The following GRHL2 variants were observed in gnomAD, a reference collection of about 807,000 sequenced individuals.
The protein encoded by GRHL2 is grainyhead-like protein 2 homolog.
Under a neutral mutation model 83.8 loss-of-function variants are expected in GRHL2, and 21 were observed. That is an observed-to-expected ratio of 0.25 (90% CI 0.18 to 0.36). The LOEUF is 0.36. GRHL2 is among the 10% of genes least tolerant of loss of function. The probability of loss-of-function intolerance (pLI) is 1.00; values close to 1 mark genes in which losing one functional copy is unlikely to be tolerated. For synonymous variants in GRHL2, 280 were observed against 278.9 expected, an observed-to-expected ratio of 1.00 and a Z score of -0.04; for missense variants, 623 against 781.8, an observed-to-expected ratio of 0.80 and a Z score of 2.42.
chr8:101,622,053 A>T (rs1296630705), intron 9 of GRHL2, among the ~76,000 whole-genome samples: 1 of 152,214 alleles, frequency 6.6e-6, no homozygotes, highest in Non-Finnish European at 1.5e-5. Context: ...CCACTTGGGA[A>T]AATTGATCCA....
intron 3 of GRHL2, 152 bp downstream of exon 3, chr8:101,552,934 A>T: frequency 1.3e-6 from 1 of 772,216 alleles, no homozygotes; most frequent in Admixed American, 2.1e-5. Flanking sequence ...TAGATCTCTC[A>T]ATGAGGAGAG....
intron 1 of GRHL2, among the ~76,000 whole-genome samples, chr8:101,508,703 G>T (rs1438758634): frequency 6.6e-6 from 1 of 152,046 alleles, no homozygotes; most frequent in South Asian, 2.1e-4. Context: ...GTGAGTTCGG[G>T]ATGAGTTCAG....
intron 3 of GRHL2, among the ~76,000 whole-genome samples, chr8:101,557,596 G>A (rs1811514992): frequency 6.6e-6 from 1 of 152,054 alleles, no homozygotes; most frequent in Admixed American, 6.5e-5. Flanking sequence ...CCTGATAATT[G>A]CCTTTTTGGT....
At chr8:101,653,585 A>G (rs1378102204) in intron 14 of GRHL2, among the ~76,000 whole-genome samples, 1 of 152,126 alleles carries the variant, frequency 6.6e-6, no homozygotes, top group Non-Finnish European at 1.5e-5. Flanking sequence ...CCCTGTCTCT[A>G]CCAGAAAATT....
chr8:101,674,948 G>C, the GRHL2 span, among the ~76,000 whole-genome samples: 2 of 151,966 alleles, frequency 1.3e-5, no homozygotes, highest in African/African-American at 4.8e-5. Flanking sequence ...ACAGAACCAA[G>C]GACAAAAACC....
chr8:101,628,309 A>G (rs1471057581), intron 9 of GRHL2, among the ~76,000 whole-genome samples: 2 of 152,016 alleles, frequency 1.3e-5, no homozygotes, highest in African/African-American at 4.8e-5. Flanking sequence ...GAATCTTGCT[A>G]TATCTAGTCT....
intron 1 of GRHL2, among the ~76,000 whole-genome samples, chr8:101,501,674 A>C (rs1352383670): frequency 1.3e-5 from 2 of 152,118 alleles, no homozygotes; most frequent in East Asian, 3.9e-4. Context: ...TTTAATTTGC[A>C]ATCTAGAATC....
intron 1 of GRHL2, among the ~76,000 whole-genome samples, chr8:101,519,204 T>C (rs990541863): frequency 6.6e-6 from 1 of 152,034 alleles, no homozygotes; most frequent in Admixed American, 6.6e-5. Context: ...TTTTTAATTT[T>C]AAGAGATAGG....
Position 101,667,108 on chromosome 8 carries a change from T to G in GRHL2, c.*405T>G. ...CCATCCCTTCTCTCTCACCCCTCCA[T>G]ATCTATCTCCCGAGTGGCTGGACAA... On this transcript the variant is annotated 3_prime_UTR_variant, in exon 16 of 16. Transcript: ENST00000646743. 3.5e-6 allele frequency: 1 copy of G among 283,136 alleles called. No individual in the cohort carries two copies. Among genetic ancestry groups the G allele is most frequent in the Non-Finnish European group, 6.9e-6 (1 of 144,028 alleles). 17.5% of individuals were successfully genotyped at this position (283,136 alleles called of 1,614,324 possible). A position where few individuals can be genotyped will look rare whatever the true frequency, so the allele number is the denominator to read the frequency against.
At chr8:101,629,017 A>G (rs1245167119) in intron 9 of GRHL2, among the ~76,000 whole-genome samples, 1 of 152,198 alleles carries the variant, frequency 6.6e-6, no homozygotes, top group Non-Finnish European at 1.5e-5. Context: ...TATTACATAA[A>G]CTTAGTTGAT....
chr8:101,496,565 T>C (rs1230629588), intron 1 of GRHL2, among the ~76,000 whole-genome samples: 2 of 152,008 alleles, frequency 1.3e-5, no homozygotes, highest in Non-Finnish European at 2.9e-5. Flanking sequence ...GCTTACTGTG[T>C]GTGTGTTGGG....
At chr8:101,613,148 A>G (rs906018457) in intron 8 of GRHL2, among the ~76,000 whole-genome samples, 4 of 150,900 alleles carry the variant, frequency 2.7e-5, no homozygotes, top group Admixed American at 6.6e-5. Flanking sequence ...CAGAGCACAC[A>G]GCAGGCAGCG....
At chr8:101,598,885 G>C (rs982136313) in intron 7 of GRHL2, among the ~76,000 whole-genome samples, 172 bp from the exon 8 acceptor site, 3 of 152,188 alleles carry the variant, frequency 2.0e-5, no homozygotes, top group Non-Finnish European at 4.4e-5. Context: ...CATTCTTATA[G>C]AGTAAGTATT....
At chr8:101,512,600 G>T (rs906219411) in intron 1 of GRHL2, among the ~76,000 whole-genome samples, 1 of 152,114 alleles carries the variant, frequency 6.6e-6, no homozygotes, top group Non-Finnish European at 1.5e-5. Context: ...TCAGCCACCC[G>T]AGTAGCTGGG....
At chr8:101,599,036 G>A (rs1354711047) in intron 7 of GRHL2, 21 bp from the exon 8 acceptor site, 3 of 1,548,588 alleles carry the variant, frequency 1.9e-6, no homozygotes, top group Admixed American at 1.7e-5. Flanking sequence ...TTAAAAGCTT[G>A]TTCTTTTTTT....
chr8:101,496,962 A>G (rs1158316385), intron 1 of GRHL2, among the ~76,000 whole-genome samples: 1 of 152,206 alleles, frequency 6.6e-6, no homozygotes, highest in African/African-American at 2.4e-5. Context: ...CTACTTAATA[A>G]TCTGGACAGT....
At chr8:101,547,713 C>T (rs1163903217) in intron 2 of GRHL2, among the ~76,000 whole-genome samples, 2 of 152,148 alleles carry the variant, frequency 1.3e-5, no homozygotes, top group African/African-American at 2.4e-5. Flanking sequence ...TTACAAAATG[C>T]CCTTTTTTGA....
At chr8:101,672,145 A>G (rs1010879331), downstream of GRHL2, among the ~76,000 whole-genome samples, 1 of 151,710 alleles carries the variant, frequency 6.6e-6, no homozygotes, top group African/African-American at 2.4e-5. Flanking sequence ...AAAGCAGAGC[A>G]CCTCTCCTCC....
At chr8:101,568,877 C>G (rs1811768380) in intron 4 of GRHL2, among the ~76,000 whole-genome samples, 1 of 152,004 alleles carries the variant, frequency 6.6e-6, no homozygotes, top group Non-Finnish European at 1.5e-5. Flanking sequence ...TTCTTGAATT[C>G]AAGAAGTAAG....
Sources: gnomAD v4.1 joint callset for allele counts (sites outside exome capture counted in the v4.1 genomes callset) on GRCh38, gnomAD v4.1.1 for gene constraint, MANE v1.5 for transcripts, NCBI Gene and HGNC (gene_info 2026-07-23, HGNC 2026-07-21) for gene names.